The following ADGRG4 variants were observed in gnomAD, a reference collection of about 807,000 sequenced individuals.
ADGRG4 encodes the protein G protein-coupled receptor 112.
In ADGRG4, 122 loss-of-function variants were observed where a neutral mutation model predicts 126.2. The observed-to-expected ratio is 0.97, with a 90% confidence interval of 0.83 to 1.12. The LOEUF (loss-of-function observed/expected upper bound fraction) is 1.12. Ranked by LOEUF, ADGRG4 falls within the 50% of genes most tolerant of loss-of-function variation. The pLI, the probability that ADGRG4 is intolerant of heterozygous loss-of-function variation, is 0.00. For missense variants in ADGRG4, 2,481 were observed against 2,251.8 expected (o/e 1.10, Z -2.06); for synonymous variants, 943 against 838.7 (o/e 1.12, Z -2.15).
chrX:136,380,530 G>GCCTCCT (rs200185658), intron 15 of ADGRG4, among the ~76,000 whole-genome samples: 70 of 103,750 alleles, frequency 6.7e-4, no homozygotes, highest in African/African-American at 2.2e-3. Context: ...TGCTGCTGCT[G>GCCTCCT]CCTCCTCCTC....
intron 5 of ADGRG4, among the ~76,000 whole-genome samples, chrX:136,337,621 A>G (rs184170068): frequency 8.9e-6 from 1 of 112,532 alleles, no homozygotes; most frequent in East Asian, 2.8e-4. Flanking sequence ...TTTGAAAAAT[A>G]TTATGACAGC....
At chrX:136,340,454 C>T (rs1420376073) in intron 5 of ADGRG4, among the ~76,000 whole-genome samples, 1 of 111,496 alleles carries the variant, frequency 9.0e-6, no homozygotes, top group Non-Finnish European at 1.9e-5. Context: ...ATTCCTGGGC[C>T]AGCAAAGTCG....
intron 5 of ADGRG4, among the ~76,000 whole-genome samples, chrX:136,326,556 C>T (rs943135932): frequency 9.0e-6 from 1 of 111,405 alleles, no homozygotes; most frequent in Admixed American, 9.6e-5. Flanking sequence ...TGCTATGTTA[C>T]TATGTCTTAG....
chrX:136,332,789 C>T (rs1385905629), intron 5 of ADGRG4, among the ~76,000 whole-genome samples: 1 of 106,719 alleles, frequency 9.4e-6, no homozygotes, highest in Non-Finnish European at 1.9e-5. Context: ...TGTTTTTTGG[C>T]TGCATAAATG....
intron 15 of ADGRG4, among the ~76,000 whole-genome samples, chrX:136,380,800 C>T (rs1026704172): frequency 1.8e-5 from 2 of 108,713 alleles, no homozygotes; most frequent in African/African-American, 6.7e-5. Context: ...CAGCTTCGAA[C>T]TCCTGGACTC....
In ADGRG4 at chrX:136,347,424, C is replaced by T; in HGVS notation, c.3718C>T (p.His1240Tyr). 1 of 1,209,930 alleles carries T rather than the reference C, an allele frequency of 8.3e-7. No individual in the cohort carries two copies. The highest frequency in any genetic ancestry group is 1.1e-6 in the Non-Finnish European group (1 of 893,735). ...TTCTTCATCTGCCACATATCGTGTACACACACCAGTGTCCATCCAGTTGGT... is the reference window on the plus strand; with the variant it reads ...TTCTTCATCTGCCACATATCGTGTATACACACCAGTGTCCATCCAGTTGGT... ...HISSSATYRV[H>Y]TPVSIQLVTS... Residue 1240 changes from histidine to tyrosine, a missense_variant, in exon 6 of 26, where the codon CAC becomes TAC. Physicochemically the swap from His to Tyr is moderately conservative, Grantham distance 83. Coordinates refer to ENST00000394143, the MANE Select transcript of ADGRG4 (RefSeq NM_153834.4).
chrX:136,348,247 C>G lies in ADGRG4; in HGVS notation c.4541C>G (p.Ser1514Cys). The change falls in exon 6 of 26, where the codon TCC becomes TGC. Residue 1514 changes from serine to cysteine, a missense_variant. Transcript: ENST00000394143. ...MATSTPIYQM[S>C]SLPVNVTAFT... ...ACGTCCACTCCTATTTACCAGATGT[C>G]CTCATTGCCAGTTAATGTAACTGCC... is the stretch of plus-strand genomic sequence containing the variant. 8.3e-7 allele frequency: 1 copy of G among 1,210,663 alleles called. No homozygotes were observed. Among genetic ancestry groups the G allele is most frequent in the Non-Finnish European group, 1.1e-6 (1 of 894,701 alleles).
chrX:136,349,433 A>T lies in ADGRG4; in HGVS notation c.5727A>T (p.Thr1909=). The T allele has an allele frequency of 8.3e-7, 1 of 1,205,964 alleles. No homozygotes were observed. Among genetic ancestry groups the T allele is most frequent in the East Asian group, 3.0e-5 (1 of 33,803 alleles). ...INVPTSNEME[T]ETLHLVPGPL... is the part of the protein sequence containing the mutation. ...TACCTACATCCAATGAGATGGAAAC[A>T]GAGACTCTACACCTTGTTCCTGGGC... Residue 1909 remains threonine (T), a synonymous_variant, in exon 6 of 26, where the codon ACA becomes ACT. Transcript: ENST00000394143.
chrX:136,359,183 A>T, intron 10 of ADGRG4, 109 bp from the exon 11 acceptor site: 1 of 608,560 alleles, frequency 1.6e-6, no homozygotes, highest in Non-Finnish European at 2.6e-6. Flanking sequence ...AATGTTTGAC[A>T]TTTATGAACT....
chrX:136,373,378 A>G (rs2075206483), intron 15 of ADGRG4, among the ~76,000 whole-genome samples: 1 of 111,565 alleles, frequency 9.0e-6, no homozygotes, highest in Non-Finnish European at 1.9e-5. Context: ...TCCTTTGTAC[A>G]GATAAGGAAA....
intron 15 of ADGRG4, among the ~76,000 whole-genome samples, chrX:136,374,040 C>A (rs2075210763): frequency 8.9e-6 from 1 of 112,014 alleles, no homozygotes; most frequent in African/African-American, 3.2e-5. Flanking sequence ...TCTGAAACTA[C>A]TACCTGCAGT....
intron 5 of ADGRG4, among the ~76,000 whole-genome samples, chrX:136,329,664 G>C (rs766765926): frequency 4.2e-3 from 382 of 91,893 alleles, no homozygotes; most frequent in Middle Eastern, 0.012. Context: ...ACTGGCTTTT[G>C]CATTTGATTT....
chrX:136,314,855 AT>A (rs2074795242), intron 4 of ADGRG4, among the ~76,000 whole-genome samples: 2 of 111,784 alleles, frequency 1.8e-5, no homozygotes, highest in South Asian at 7.5e-4. Flanking sequence ...TGAGTAAATA[AT>A]TTTTTTTCAG....
In ADGRG4 at chrX:136,344,696, T is replaced by C; in HGVS notation, c.990T>C (p.Ser330=). 5 of 1,205,236 alleles carry C rather than the reference T, an allele frequency of 4.1e-6. No individual in the cohort carries two copies. Among genetic ancestry groups the C allele is most frequent in the Non-Finnish European group, 5.6e-6 (5 of 889,999 alleles). Reference sequence around the variant, plus strand: ...CAGCCATCTCTCTGCCTACCCAGAGTATATCCATAGACAATACTACCAATT... The same window carrying C: ...CAGCCATCTCTCTGCCTACCCAGAGCATATCCATAGACAATACTACCAATT... ...TSSAISLPTQ[S]ISIDNTTNSM... is the part of the protein sequence containing the mutation. The change falls in exon 6 of 26, where the codon AGT becomes AGC. Residue 330 remains serine (S), a synonymous_variant. Coordinates refer to ENST00000394143, the MANE Select transcript of ADGRG4 (RefSeq NM_153834.4).
chrX:136,410,229 A>G lies in ADGRG4; in HGVS notation c.8936-2036A>G, dbSNP rs370923205. Among the ~76,000 whole-genome samples the G allele has an allele frequency of 7.3e-5, 8 of 110,328 alleles. No homozygotes were observed. The East Asian group carries it at 1.7e-3, about 24-fold the overall frequency. ...CTAAGTAAGCATCTCTTCTCACCCT[A>G]TGTTTTCCACTCCAAGTTTTTTTTT... On this transcript the variant is annotated intron_variant, in intron 23 of 25. Coordinates refer to ENST00000394143, the MANE Select transcript of ADGRG4 (RefSeq NM_153834.4).
chrX:136,357,917 T>C, intron 10 of ADGRG4, among the ~76,000 whole-genome samples, 161 bp downstream of exon 10: 1 of 112,770 alleles, frequency 8.9e-6, no homozygotes, highest in East Asian at 2.8e-4. Flanking sequence ...CTTGCCTTCA[T>C]GAAATATGTT....
At chrX:136,308,897 G>A in intron 4 of ADGRG4, 50 bp downstream of exon 4, 1 of 758,658 alleles carries the variant, frequency 1.3e-6, no homozygotes. Flanking sequence ...TGTATAGTAG[G>A]TTATAGAAAT....
chrX:136,395,369 A>G, intron 18 of ADGRG4, 21 bp from the exon 19 acceptor site: 6 of 1,069,598 alleles, frequency 5.6e-6, no homozygotes, highest in Non-Finnish European at 6.5e-6. Flanking sequence ...TTGCTTTGAA[A>G]TTTCCTTCTG....
chrX:136,413,798 T>C (rs899757651), intron 24 of ADGRG4, among the ~76,000 whole-genome samples: 4 of 108,028 alleles, frequency 3.7e-5, no homozygotes, highest in Non-Finnish European at 3.8e-5. Context: ...TGGAGTGCAA[T>C]GGTGCCATCT....
Sources: gnomAD v4.1 joint callset for allele counts (sites outside exome capture counted in the v4.1 genomes callset) on GRCh38, gnomAD v4.1.1 for gene constraint, MANE v1.5 for transcripts, NCBI Gene and HGNC (gene_info 2026-07-23, HGNC 2026-07-21) for gene names.